The following COL5A2 variants were observed in gnomAD, a reference collection of about 807,000 sequenced individuals.
COL5A2 encodes the protein collagen type V alpha 2 chain.
In COL5A2, 23 loss-of-function variants were observed where a neutral mutation model predicts 208.2. The ratio of observed to expected loss-of-function variants is 0.11; its 90% confidence interval spans 0.08 to 0.16. The LOEUF is 0.16. Ranked by LOEUF, COL5A2 falls within the 10% of genes least tolerant of loss-of-function variation. The pLI, the probability that COL5A2 is intolerant of heterozygous loss-of-function variation, is 1.00. For missense variants in COL5A2, 1,590 were observed against 1,956.4 expected, an observed-to-expected ratio of 0.81 and a Z score of 3.53; for synonymous variants, 625 against 628.5, an observed-to-expected ratio of 0.99 and a Z score of 0.08.
chr2:189,080,919 G>A, intron 13 of COL5A2, 71 bp downstream of exon 13: 2 of 1,239,470 alleles, frequency 1.6e-6, no homozygotes, highest in Middle Eastern at 3.7e-4. Flanking sequence ...TAAAGATTTT[G>A]AAGGTAAATC....
At position 189,041,515 on chromosome 2, in the gene COL5A2, G is replaced by T. The variant is rs1204044773; in HGVS notation, c.3633+71C>A. ...AGTCTCTTGTCAATCGGGCTGCACA[G>T]ACATTTCTTGGACGGAATCTGAGCT... On this transcript the variant is annotated intron_variant, in intron 50 of 53. Transcript: ENST00000374866. 1.2e-5 allele frequency: 15 copies of T among 1,237,316 alleles called. No individual in the cohort carries two copies. The South Asian group carries it at 1.7e-4, about 14-fold the overall frequency. The allele number at this position is 1,237,316 out of a possible 1,614,324, so 76.6% of individuals were successfully genotyped here. A position where few individuals can be genotyped will look rare whatever the true frequency, so the allele number is the denominator to read the frequency against.
At chr2:189,378,693 T>C in the COL5A2 span, among the ~76,000 whole-genome samples, 20 of 146,112 alleles carry the variant, frequency 1.4e-4, no homozygotes, top group African/African-American at 3.5e-4. Flanking sequence ...CACTGCACTC[T>C]AGCCTGGGCG....
At chr2:189,433,414 A>G in the COL5A2 span, among the ~76,000 whole-genome samples, 1 of 152,234 alleles carries the variant, frequency 6.6e-6, no homozygotes, top group Non-Finnish European at 1.5e-5. Context: ...GAAAAGACCA[A>G]CAAAATTGAT....
chr2:189,085,831 T>C, intron 9 of COL5A2, 59 bp from the exon 10 acceptor site: 1 of 1,344,122 alleles, frequency 7.4e-7, no homozygotes, highest in Non-Finnish European at 1.1e-6. Flanking sequence ...TTAAACCCTG[T>C]ACTCTGTCAA....
the COL5A2 span, among the ~76,000 whole-genome samples, chr2:189,260,700 A>G: frequency 2.0e-5 from 3 of 152,322 alleles, no homozygotes; most frequent in African/African-American, 7.2e-5. Context: ...GCATTTGGCA[A>G]AAGGTAAAAG....
the COL5A2 span, among the ~76,000 whole-genome samples, chr2:189,422,202 T>A: frequency 3.3e-5 from 5 of 152,048 alleles, no homozygotes; most frequent in African/African-American, 1.2e-4. Context: ...GCTGGAGACA[T>A]ATGAACTGCC....
At chr2:189,328,164 A>G in the COL5A2 span, among the ~76,000 whole-genome samples, 1 of 152,172 alleles carries the variant, frequency 6.6e-6, no homozygotes, top group African/African-American at 2.4e-5. Context: ...AATAACAATG[A>G]ACCCATTTTG....
chr2:189,052,672 T>G, intron 40 of COL5A2, 77 bp downstream of exon 40: 1 of 1,383,364 alleles, frequency 7.2e-7, no homozygotes, highest in Admixed American at 1.7e-5. Flanking sequence ...AGATGAAAAT[T>G]ATCTTTTACA....
chr2:189,191,163 C>CCAAAAAAAAAAAAAAAAAAAAAAAAAAA (rs748055610), intron 1 of COL5A2, among the ~76,000 whole-genome samples: 3 of 72,260 alleles, frequency 4.2e-5, no homozygotes, highest in Admixed American at 1.5e-4. Flanking sequence ...AAAAAACAAA[C>CCAAAAAAAAAAAAAAAAAAAAAAAAAAA]AAACAACAAA....
At chr2:189,405,395 C>T in the COL5A2 span, among the ~76,000 whole-genome samples, 1 of 151,894 alleles carries the variant, frequency 6.6e-6, no homozygotes, top group Non-Finnish European at 1.5e-5. Flanking sequence ...TGACACCCGG[C>T]TAATTTTTGT....
At chr2:189,284,359 T>C in the COL5A2 span, among the ~76,000 whole-genome samples, 5 of 152,180 alleles carry the variant, frequency 3.3e-5, no homozygotes, top group Non-Finnish European at 7.3e-5. Context: ...AGAGGTATAA[T>C]TGATTCACAG....
the COL5A2 span, among the ~76,000 whole-genome samples, chr2:189,431,627 G>A: frequency 3.2e-4 from 48 of 152,198 alleles, no homozygotes; most frequent in African/African-American, 9.9e-4. Flanking sequence ...GAAATAAAGC[G>A]AGAAGACAAG....
intron 5 of COL5A2, among the ~76,000 whole-genome samples, chr2:189,097,990 A>G (rs777295571): frequency 2.6e-4 from 40 of 151,840 alleles, no homozygotes; most frequent in Non-Finnish European, 5.1e-4. Flanking sequence ...AATGACTATT[A>G]TATTTCAAAA....
intron 9 of COL5A2, 84 bp downstream of exon 9, chr2:189,086,642 C>T (rs1220181492): frequency 2.8e-6 from 3 of 1,060,640 alleles, no homozygotes; most frequent in Non-Finnish European, 4.2e-6. Context: ...CAGCCAAAAG[C>T]AGTCATGTCA....
chr2:189,397,017 G>T, the COL5A2 span, among the ~76,000 whole-genome samples: 2 of 150,020 alleles, frequency 1.3e-5, no homozygotes, highest in East Asian at 2.0e-4. Flanking sequence ...AAAGATAAAT[G>T]AGATAATTAT....
chr2:189,265,052 G>A, the COL5A2 span, among the ~76,000 whole-genome samples: 1 of 152,036 alleles, frequency 6.6e-6, no homozygotes, highest in Non-Finnish European at 1.5e-5. Context: ...GGGGCCAAAG[G>A]TTACAAAAAT....
the COL5A2 span, among the ~76,000 whole-genome samples, chr2:189,235,043 T>A: frequency 6.6e-6 from 1 of 151,760 alleles, no homozygotes; most frequent in African/African-American, 2.4e-5. Context: ...GAATTCTAAA[T>A]ATAGTGTATA....
At chr2:189,061,732 T>C in intron 29 of COL5A2, 117 bp from the exon 30 acceptor site, 2 of 827,916 alleles carry the variant, frequency 2.4e-6, no homozygotes, top group Non-Finnish European at 4.1e-6. Context: ...CACATGTTTT[T>C]CTCTTTAGCC....
At position 189,097,290 on chromosome 2, in the gene COL5A2, G is replaced by T. The variant is rs1686938568; in HGVS notation, c.443C>A (p.Pro148Gln). 1 of 1,614,046 alleles carries T rather than the reference G, an allele frequency of 6.2e-7. No individual in the cohort carries two copies. The highest frequency in any genetic ancestry group is 1.7e-5 in the Admixed American group (1 of 60,006). Residue 148 changes from proline (P) to glutamine (Q), a missense_variant, in exon 6 of 54, where the codon CCA becomes CAA. Transcript: ENST00000374866. ...GSQGPRGERG[P>Q]KGRPGPRGPQ... ...CTGTCAACTTACAGGTCTTCCTTTT[G>T]GCCCTCGCTCTCCTCTTGGTCCCTG...
Sources: gnomAD v4.1 joint callset for allele counts (sites outside exome capture counted in the v4.1 genomes callset) on GRCh38, gnomAD v4.1.1 for gene constraint, MANE v1.5 for transcripts, NCBI Gene and HGNC (gene_info 2026-07-23, HGNC 2026-07-21) for gene names.